THAP5: variants seen among roughly 807,000 people sequenced by gnomAD.
THAP5 encodes the protein THAP domain containing 5, also known as THAP domain-containing protein 5.
THAP5 carries 26 observed loss-of-function variants against 34.0 expected under a neutral mutation model. That is an observed-to-expected ratio of 0.77 (90% CI 0.56 to 1.06). THAP5 has a LOEUF of 1.06. Ranked by LOEUF, THAP5 falls within the 50% of genes least tolerant of loss-of-function variation. THAP5 has a pLI of 0.00. For synonymous variants in THAP5, 125 were observed against 153.0 expected, an observed-to-expected ratio of 0.82 and a Z score of 1.35; for missense variants, 394 against 452.8, an observed-to-expected ratio of 0.87 and a Z score of 1.18.
downstream of THAP5, among the ~76,000 whole-genome samples, chr7:108,560,009 A>G (rs1475478527): frequency 6.6e-6 from 1 of 152,224 alleles, no homozygotes; most frequent in Non-Finnish European, 1.5e-5. Flanking sequence ...TGATCTTAAT[A>G]TCTTCAGGTT....
At position 108,564,058 on chromosome 7, in the gene THAP5, G is replaced by T; in HGVS notation, c.*133C>A. 1 of 707,696 alleles carries T rather than the reference G, an allele frequency of 1.4e-6. No individual in the cohort carries two copies. The highest frequency in any genetic ancestry group is 2.2e-6 in the Non-Finnish European group (1 of 445,468). The allele number at this position is 707,696 out of a possible 1,614,324, so 43.8% of individuals were successfully genotyped here. On this transcript the variant is annotated 3_prime_UTR_variant, in exon 3 of 3. Transcript: ENST00000415914. ...ATAAGTATTACAAGAATAGGATACA[G>T]TTCATAACTTTACAACACTCTCATA...
At chr7:108,549,452 C>A in the THAP5 span, among the ~76,000 whole-genome samples, 2 of 152,090 alleles carry the variant, frequency 1.3e-5, no homozygotes, top group African/African-American at 4.8e-5. Flanking sequence ...TAGGCACTGT[C>A]TTTTTGACAC....
downstream of THAP5, among the ~76,000 whole-genome samples, chr7:108,557,319 T>C (rs1864393241): frequency 6.6e-6 from 1 of 152,230 alleles, no homozygotes; most frequent in African/African-American, 2.4e-5. Flanking sequence ...CTACCGCATG[T>C]CCAGGCTGCA....
downstream of THAP5, among the ~76,000 whole-genome samples, chr7:108,551,377 T>A (rs112266887): frequency 2.5e-3 from 378 of 152,310 alleles, 1 homozygote; most frequent in African/African-American, 8.4e-3. Flanking sequence ...ATGTGTTCCC[T>A]CTCTTTCACT....
At position 108,564,375 on chromosome 7, in the gene THAP5, C is replaced by A; in HGVS notation, c.1004G>T (p.Trp335Leu). ...CRQDINKEHL[W>L]QKVSKLHSKI... ...TGAATGTAGCTTAGAGACTTTCTGCCAAAGATGTTCCTTATTTATATCTTG... is the reference window on the plus strand; with the variant it reads ...TGAATGTAGCTTAGAGACTTTCTGCAAAAGATGTTCCTTATTTATATCTTG... Residue 335 changes from tryptophan (W) to leucine (L), a missense_variant, in exon 3 of 3, where the codon TGG (tryptophan) becomes TTG (leucine). Physicochemically the swap from Trp to Leu is moderately conservative, Grantham distance 61. Transcript: ENST00000415914. 2 of 1,613,644 alleles carry A rather than the reference C, an allele frequency of 1.2e-6. No individual in the cohort carries two copies. The highest frequency in any genetic ancestry group is 1.1e-5 in the South Asian group (1 of 91,042).
downstream of THAP5, among the ~76,000 whole-genome samples, chr7:108,551,921 G>A (rs1404935055): frequency 6.6e-6 from 1 of 152,102 alleles, no homozygotes; most frequent in Non-Finnish European, 1.5e-5. Flanking sequence ...TCCCCTACCC[G>A]ATGTTAAATA....
At chr7:108,561,911 G>A (rs780948141), downstream of THAP5, among the ~76,000 whole-genome samples, 6 of 152,134 alleles carry the variant, frequency 3.9e-5, no homozygotes, top group Non-Finnish European at 7.4e-5. Flanking sequence ...AAGTTTTACC[G>A]GAGAATGATT....
chr7:108,555,079 G>T (rs957936641), intron 1 of THAP5, among the ~76,000 whole-genome samples: 1 of 151,934 alleles, frequency 6.6e-6, no homozygotes, highest in Non-Finnish European at 1.5e-5. Context: ...CTTTTGCACT[G>T]TTAAAATATA....
rs1199476299 is a variant in THAP5, at chr7:108,564,847, A to G, written c.532T>C (p.Ser178Pro). ...LVKQHTGKPESTLETSVNQDT... is the reference protein window; with the variant it reads ...LVKQHTGKPEPTLETSVNQDT... ...TGGTTAACTGATGTTTCCAAGGTAGATTCTGGTTTCCCAGTATGTTGTTTA... is the reference window on the plus strand; with the variant it reads ...TGGTTAACTGATGTTTCCAAGGTAGGTTCTGGTTTCCCAGTATGTTGTTTA... The change falls in exon 3 of 3, where the codon TCT (serine) becomes CCT (proline). Residue 178 changes from serine (S) to proline (P), a missense_variant. By Grantham distance (74) the Ser-to-Pro change is moderately conservative. Transcript: ENST00000415914. 70 of 1,612,360 alleles carry G rather than the reference A, an allele frequency of 4.3e-5. No homozygotes were observed. Among genetic ancestry groups the G allele is most frequent in the Non-Finnish European group, 5.5e-5 (65 of 1,179,080 alleles).
chr7:108,545,116 G>C, the THAP5 span, among the ~76,000 whole-genome samples: 2 of 152,148 alleles, frequency 1.3e-5, no homozygotes, highest in Admixed American at 6.5e-5. Context: ...TGTTGAATTT[G>C]AGGCTACCTT....
upstream of THAP5, chr7:108,569,761 C>T: frequency 1.4e-6 from 1 of 704,100 alleles, no homozygotes; most frequent in South Asian, 1.8e-5. Flanking sequence ...GGGGTTGAAG[C>T]CGGAAGTGGC....
chr7:108,565,221 A>G, intron 2 of THAP5, 116 bp from the exon 3 acceptor site: 1 of 818,454 alleles, frequency 1.2e-6, no homozygotes, highest in Middle Eastern at 3.7e-4. Flanking sequence ...ATTTAGTTAA[A>G]AAAAAGCTCA....
downstream of THAP5, among the ~76,000 whole-genome samples, chr7:108,559,979 A>G (rs1431664371): frequency 6.6e-6 from 1 of 152,314 alleles, no homozygotes; most frequent in East Asian, 1.9e-4. Flanking sequence ...CTTTTATTAA[A>G]ACTTTAAATA....
intron 1 of THAP5, among the ~76,000 whole-genome samples, chr7:108,567,259 G>T (rs1042505887): frequency 8.5e-5 from 13 of 152,274 alleles, no homozygotes; most frequent in African/African-American, 2.2e-4. Flanking sequence ...ATATTAGGTT[G>T]TAAGTATGAC....
At chr7:108,557,277 T>C (rs1390211978), downstream of THAP5, among the ~76,000 whole-genome samples, 1 of 152,244 alleles carries the variant, frequency 6.6e-6, no homozygotes, top group Non-Finnish European at 1.5e-5. Context: ...CTGCAGCCTT[T>C]TATTCCTCCC....
Position 108,565,906 on chromosome 7 carries a change from A to G in THAP5, c.197T>C (p.Leu66Pro), listed in dbSNP as rs1298439623. 6.4e-7 allele frequency: 1 copy of G among 1,550,408 alleles called. No individual in the cohort carries two copies. ...ATATCGAATACCCCATCTGATGTCAAGAGAGTCAGGAGTAAAATGGTCACT... is the reference window on the plus strand; with the variant it reads ...ATATCGAATACCCCATCTGATGTCAGGAGAGTCAGGAGTAAAATGGTCACT... ...LCSDHFTPDS[L>P]DIRWGIRYLK... The change falls in exon 2 of 3, where the codon CTT (leucine) becomes CCT (proline). Residue 66 changes from leucine to proline, a missense_variant. By Grantham distance (98) the Leu-to-Pro change is moderately conservative. Coordinates refer to ENST00000415914, the MANE Select transcript of THAP5 (RefSeq NM_001130475.3).
Position 108,564,382 on chromosome 7 carries a change from G to A in THAP5, c.997C>T (p.His333Tyr). The change falls in exon 3 of 3, where the codon CAT becomes TAT. Residue 333 changes from histidine (H) to tyrosine (Y), a missense_variant. By Grantham distance (83) the His-to-Tyr change is moderately conservative (BLOSUM62 2). Coordinates refer to ENST00000415914, the MANE Select transcript of THAP5 (RefSeq NM_001130475.3). ...SYCRQDINKEHLWQKVSKLHS... is the reference protein window; with the variant it reads ...SYCRQDINKEYLWQKVSKLHS... ...AGCTTAGAGACTTTCTGCCAAAGAT[G>A]TTCCTTATTTATATCTTGTCTGCAG... The A allele has an allele frequency of 1.2e-6, 2 of 1,613,736 alleles. No homozygotes were observed. The highest frequency in any genetic ancestry group is 1.7e-6 in the Non-Finnish European group (2 of 1,179,864).
At chr7:108,561,909 C>T (rs558121036), downstream of THAP5, among the ~76,000 whole-genome samples, 65 of 152,166 alleles carry the variant, frequency 4.3e-4, no homozygotes, top group Non-Finnish European at 8.4e-4. Context: ...CAAAGTTTTA[C>T]CGGAGAATGA....
chr7:108,541,925 ACT>A, the THAP5 span, among the ~76,000 whole-genome samples: 1 of 152,218 alleles, frequency 6.6e-6, no homozygotes, highest in African/African-American at 2.4e-5. Context: ...TTAAGTTACA[ACT>A]GTAATATTTC....
Sources: gnomAD v4.1 joint callset for allele counts (sites outside exome capture counted in the v4.1 genomes callset) on GRCh38, gnomAD v4.1.1 for gene constraint, MANE v1.5 for transcripts, NCBI Gene and HGNC (gene_info 2026-07-23, HGNC 2026-07-21) for gene names.